AGO3: variants seen among roughly 807,000 people sequenced by gnomAD.
AGO3 encodes the protein argonaute RISC catalytic component 3, also known as protein argonaute-3.
A neutral mutation model predicts 105.5 loss-of-function variants in AGO3; 16 were observed. The ratio of observed to expected loss-of-function variants is 0.15; its 90% CI spans 0.10 to 0.23. The LOEUF (loss-of-function observed/expected upper bound fraction) is 0.23, where lower values mean the gene tolerates loss of function less well. Among genes scored for constraint, AGO3 ranks in the 10% least tolerant of loss-of-function variants. AGO3 has a pLI of 1.00. For synonymous variants in AGO3, 340 were observed against 367.3 expected (o/e 0.93, Z 0.85); for missense variants, 534 against 1,088.0 (o/e 0.49, Z 7.16).
At position 36,017,098 on chromosome 1, in the gene AGO3, AG is replaced by A. The variant is rs1477858973; in HGVS notation, c.1406+3051del. ...TTCCTCATGCTCATACATTTCTTTG[AG>A]TTTCTGTTCCAATTCAAGAGAGACC... On this transcript the variant is annotated intron_variant, in intron 11 of 18. Coordinates refer to ENST00000373191, the MANE Select transcript of AGO3 (RefSeq NM_024852.4). Among the ~76,000 whole-genome samples, 11 of 152,176 alleles carry A rather than the reference AG, an allele frequency of 7.2e-5. No individual in the cohort carries two copies. The East Asian group carries it at 1.9e-3, about 27-fold the overall frequency.
At chr1:36,041,991 T>A (rs188486693) in intron 16 of AGO3, among the ~76,000 whole-genome samples, 12 of 152,182 alleles carry the variant, frequency 7.9e-5, no homozygotes, top group African/African-American at 2.9e-4. Flanking sequence ...AGTGGTAGAA[T>A]AGAGAAGAAG....
intron 2 of AGO3, among the ~76,000 whole-genome samples, chr1:35,965,489 CAAAAAAAA>C (rs1171759827): frequency 1.1e-4 from 10 of 87,424 alleles, no homozygotes; most frequent in South Asian, 7.6e-4. Context: ...GACGCTGTCT[CAAAAAAAA>C]AAAAAAAAAA....
intron 11 of AGO3, among the ~76,000 whole-genome samples, chr1:36,019,755 G>A (rs1031987983): frequency 6.7e-6 from 1 of 149,692 alleles, no homozygotes; most frequent in Non-Finnish European, 1.5e-5. Context: ...CAATATATAT[G>A]TAAGGTGTTT....
intron 11 of AGO3, 24 bp downstream of exon 11, chr1:36,014,072 T>G (rs756651957): frequency 3.1e-6 from 5 of 1,613,676 alleles, no homozygotes; most frequent in East Asian, 2.2e-5. Flanking sequence ...TTACCTTGGC[T>G]TTGGGACTTT....
intron 12 of AGO3, among the ~76,000 whole-genome samples, chr1:36,033,671 G>A (rs952942291): frequency 8.6e-5 from 13 of 151,142 alleles, no homozygotes; most frequent in Non-Finnish European, 1.3e-4. Context: ...TATATACACC[G>A]AAATATTTAT....
intron 6 of AGO3, among the ~76,000 whole-genome samples, chr1:36,004,986 TTATC>T (rs1409409221): frequency 1.3e-5 from 2 of 152,188 alleles, no homozygotes; most frequent in Non-Finnish European, 1.5e-5. Context: ...ACTGTTGATC[TTATC>T]TATTATACTT....
At chr1:36,019,231 C>T (rs192235410) in intron 11 of AGO3, among the ~76,000 whole-genome samples, 27 of 152,198 alleles carry the variant, frequency 1.8e-4, no homozygotes, top group African/African-American at 5.3e-4. Context: ...CATTTAGTCA[C>T]GTTAAGGTTT....
chr1:35,979,104 C>G (rs981139194), intron 5 of AGO3, among the ~76,000 whole-genome samples: 1 of 152,118 alleles, frequency 6.6e-6, no homozygotes, highest in Non-Finnish European at 1.5e-5. Flanking sequence ...GTGGCTCATG[C>G]CTGTAATCCC....
intron 1 of AGO3, among the ~76,000 whole-genome samples, chr1:35,945,183 GCTT>G (rs1233863794): frequency 6.6e-6 from 1 of 150,818 alleles, no homozygotes; most frequent in East Asian, 2.0e-4. Flanking sequence ...ATTACATATT[GCTT>G]CTTATTTTAC....
intron 5 of AGO3, among the ~76,000 whole-genome samples, chr1:36,003,473 T>C (rs993591979): frequency 1.3e-5 from 2 of 151,782 alleles, no homozygotes; most frequent in Non-Finnish European, 2.9e-5. Flanking sequence ...GGCAGGCGGA[T>C]CACCTGAGGT....
rs146633865 is a variant in AGO3, at chr1:36,045,972, A to G, written c.2274+2424A>G. 2.0e-4 allele frequency among the ~76,000 whole-genome samples: 30 copies of G among 152,332 alleles called. No homozygotes were observed. The East Asian group carries it at 5.4e-3, about 27-fold the overall frequency. ...GAACAGAAAGAAACACTGAGCCTCC[A>G]CTACTCCATCTCCAAATCAGGATCA... On this transcript the variant is annotated intron_variant, in intron 17 of 18. Coordinates refer to ENST00000373191, the MANE Select transcript of AGO3 (RefSeq NM_024852.4).
rs182081710 is a variant in AGO3 at position 35,986,494 on chromosome 1, G to T, written c.658+12983G>T. Among the ~76,000 whole-genome samples, 124 of 152,224 alleles carry T rather than the reference G, an allele frequency of 8.1e-4. No homozygotes were observed. In the Middle Eastern group the frequency reaches 0.017, roughly 21 times the overall value. On this transcript the variant is annotated intron_variant, in intron 5 of 18. Transcript: ENST00000373191. ...ATATGAGGCCAGGAGTTCAAGACCA[G>T]CCTGGTCCACATGGTAAAACCCCAT...
intron 6 of AGO3, among the ~76,000 whole-genome samples, chr1:36,007,543 A>G (rs983773626): frequency 6.6e-6 from 1 of 152,162 alleles, no homozygotes; most frequent in African/African-American, 2.4e-5. Context: ...CTAAAAATAT[A>G]AAAATTAACT....
chr1:35,974,607 T>C (rs1191779284), intron 5 of AGO3, among the ~76,000 whole-genome samples: 1 of 152,176 alleles, frequency 6.6e-6, no homozygotes, highest in Non-Finnish European at 1.5e-5. Flanking sequence ...GATTCAAAAA[T>C]CAGTCTCTAG....
chr1:36,010,095 C>T lies in AGO3; in HGVS notation c.1149+501C>T, dbSNP rs566515887. Among the ~76,000 whole-genome samples the T allele has an allele frequency of 4.6e-5, 7 of 152,018 alleles. No homozygotes were observed. The South Asian group carries it at 1.0e-3, about 23-fold the overall frequency. The stretch of plus-strand genomic sequence containing the variant: ...CTGGGACTACAGGCGCATGCCACCA[C>T]GCCTGGCTAATTTTTTTGTATTTTT... On this transcript the variant is annotated intron_variant, in intron 9 of 18. Coordinates refer to ENST00000373191, the MANE Select transcript of AGO3 (RefSeq NM_024852.4).
rs1220553343 is a variant in AGO3, at chr1:35,953,761, C to T, written c.191+7898C>T. Among the ~76,000 whole-genome samples the T allele has an allele frequency of 3.9e-5, 6 of 152,222 alleles. No individual in the cohort carries two copies. The East Asian group carries it at 1.2e-3, about 29-fold the overall frequency. ...CTCTGACCTCAGGTGATTCACCCGC[C>T]TCACCCTTCCAAAGTGCTGGGGTTA... is the stretch of plus-strand genomic sequence containing the variant. On this transcript the variant is annotated intron_variant, in intron 2 of 18. Transcript: ENST00000373191.
chr1:36,013,501 G>T, intron 9 of AGO3, 129 bp from the exon 10 acceptor site: 1 of 1,207,502 alleles, frequency 8.3e-7, no homozygotes. Flanking sequence ...TGTAGTTAGA[G>T]CACCATTGAT....
intron 1 of AGO3, among the ~76,000 whole-genome samples, chr1:35,937,386 C>CA (rs59539094): frequency 0.099 from 12,893 of 130,438 alleles, 1,907 homozygotes; most frequent in East Asian, 0.68. Flanking sequence ...CTGGGCAACT[C>CA]AAAAAAAAAA....
At position 36,067,800 on chromosome 1, in the gene AGO3, T is replaced by G. The variant is rs1643113380; in HGVS notation, c.*12055T>G. 1 of 148,176 alleles carries G rather than the reference T, an allele frequency of 6.7e-6. No homozygotes were observed. The highest frequency in any genetic ancestry group is 1.5e-5 in the Non-Finnish European group (1 of 67,382). The allele number at this position is 148,176 out of a possible 1,614,324, so 9.2% of individuals were successfully genotyped here. On this transcript the variant is annotated 3_prime_UTR_variant, in exon 19 of 19. Coordinates refer to ENST00000373191, the MANE Select transcript of AGO3 (RefSeq NM_024852.4). ...GAGATCCCACCATTGCACTCCAGCC[T>G]GGGTGGCAGAGTGAGACTCCGTCTC...
Sources: gnomAD v4.1 joint callset for allele counts (sites outside exome capture counted in the v4.1 genomes callset) on GRCh38, gnomAD v4.1.1 for gene constraint, MANE v1.5 for transcripts, NCBI Gene and HGNC (gene_info 2026-07-23, HGNC 2026-07-21) for gene names.